The following ZNRF3 variants were observed in gnomAD, a reference collection of about 807,000 sequenced individuals.
ZNRF3 encodes zinc and ring finger 3, also known as E3 ubiquitin-protein ligase ZNRF3.
ZNRF3 carries 23 observed loss-of-function variants against 72.5 expected under a neutral mutation model. That is an observed-to-expected ratio of 0.32 (90% CI 0.23 to 0.45). ZNRF3 has a LOEUF of 0.45. Ranked by LOEUF, ZNRF3 falls within the 20% of genes least tolerant of loss-of-function variation. The pLI is 1.00. For missense variants in ZNRF3, 1,169 were observed against 1,272.1 expected, an observed-to-expected ratio of 0.92 and a Z score of 1.23; for synonymous variants, 610 against 545.3, an observed-to-expected ratio of 1.12 and a Z score of -1.65.
rs2033714173 is a variant in ZNRF3 at position 28,883,869 on chromosome 22, C to G, written c.103C>G (p.Pro35Ala). Residue 35 changes from proline to alanine, a missense_variant, in exon 1 of 9, where the codon CCG (proline) becomes GCG (alanine). Coordinates refer to ENST00000544604, the MANE Select transcript of ZNRF3 (RefSeq NM_001206998.2). This position sits in a 1 kb window ranked among gnomAD's most constrained non-coding sequence, Gnocchi z 5.5. Reference sequence around the variant, plus strand: ...CCGGTGCAGCCGCCTGCCGCCGCCGCCGCCGCTGCCGCTGCTGCTCGGGCT... The same window carrying G: ...CCGGTGCAGCCGCCTGCCGCCGCCGGCGCCGCTGCCGCTGCTGCTCGGGCT... ...GLRCSRLPPP[P>A]PLPLLLGLLL... 9.9e-7 allele frequency: 1 copy of G among 1,008,798 alleles called. No homozygotes were observed. The highest frequency in any genetic ancestry group is 4.4e-5 in the South Asian group (1 of 22,510). 62.5% of individuals were successfully genotyped at this position (1,008,798 alleles called of 1,614,324 possible). A position where few individuals can be genotyped will look rare whatever the true frequency, so the allele number is the denominator to read the frequency against.
chr22:28,963,994 TG>T (rs1414818439), intron 1 of ZNRF3, among the ~76,000 whole-genome samples: 13 of 152,310 alleles, frequency 8.5e-5, no homozygotes, highest in Non-Finnish European at 1.9e-4. Context: ...TTCTGTGTTT[TG>T]TGTTACTACT....
rs754178555 is a variant in ZNRF3, at chr22:29,049,268, A to G, written c.1087A>G (p.Thr363Ala). The change falls in exon 8 of 9, where the codon ACC (threonine) becomes GCC (alanine). Residue 363 changes from threonine (T) to alanine (A), a missense_variant. Physicochemically the swap from Thr to Ala is moderately conservative, Grantham distance 58. Around this residue, in one of 2 missense-constraint regions of ZNRF3, gnomAD observed 386 missense variants for 540.7 expected, o/e 0.71. Coordinates refer to ENST00000544604, the MANE Select transcript of ZNRF3 (RefSeq NM_001206998.2). This position sits in a 1 kb window ranked among gnomAD's most constrained non-coding sequence, Gnocchi z 5.2. ...CTCACGTGGTCGGCAGCAGAGGGTG[A>G]CCCTGCCGGTGCATTACCCCGGCCG... ...NLSRGRQQRV[T>A]LPVHYPGRVH... 6.2e-7 allele frequency: 1 copy of G among 1,613,656 alleles called. No homozygotes were observed. Among genetic ancestry groups the G allele is most frequent in the South Asian group, 1.1e-5 (1 of 91,054 alleles).
intron 1 of ZNRF3, among the ~76,000 whole-genome samples, chr22:28,968,462 C>A (rs1480601924): frequency 6.6e-6 from 1 of 152,152 alleles, no homozygotes; most frequent in African/African-American, 2.4e-5. Context: ...GTAATCCCAG[C>A]ACTTTGGGAG....
At chr22:28,953,913 T>C (rs1819763382) in intron 1 of ZNRF3, among the ~76,000 whole-genome samples, 1 of 152,200 alleles carries the variant, frequency 6.6e-6, no homozygotes, top group Admixed American at 6.5e-5. Context: ...CACTTATTTG[T>C]ATGTGACACT....
At chr22:28,984,406 G>T (rs555949860) in intron 1 of ZNRF3, among the ~76,000 whole-genome samples, 1 of 152,172 alleles carries the variant, frequency 6.6e-6, no homozygotes, top group South Asian at 2.1e-4. Context: ...TACAATATGC[G>T]GTGTTTTGTG....
intron 1 of ZNRF3, among the ~76,000 whole-genome samples, chr22:28,913,148 C>T (rs2034349466): frequency 6.6e-6 from 1 of 152,204 alleles, no homozygotes; most frequent in East Asian, 1.9e-4. Context: ...CTCAAGGCAT[C>T]GCCTGAAGAA....
intron 2 of ZNRF3, among the ~76,000 whole-genome samples, chr22:28,988,355 A>G (rs1032808790): frequency 6.6e-6 from 1 of 152,150 alleles, no homozygotes; most frequent in Non-Finnish European, 1.5e-5. Flanking sequence ...GCAGGGTGCT[A>G]GAGAGGGAAG....
intron 1 of ZNRF3, among the ~76,000 whole-genome samples, chr22:28,971,572 T>G (rs2035576278): frequency 6.6e-6 from 1 of 152,196 alleles, no homozygotes; most frequent in Non-Finnish European, 1.5e-5. Context: ...GTGTGTTTAT[T>G]AAGGACATCG....
intron 1 of ZNRF3, among the ~76,000 whole-genome samples, chr22:28,894,671 G>C (rs1344095493): frequency 6.6e-6 from 1 of 152,180 alleles, no homozygotes; most frequent in Non-Finnish European, 1.5e-5. Context: ...GCTGGATTCA[G>C]AAAGGCCGAA....
Position 28,905,754 on chromosome 22 carries a change from G to A in ZNRF3, c.300+21688G>A, listed in dbSNP as rs547870721. Among the ~76,000 whole-genome samples the A allele has an allele frequency of 5.9e-5, 9 of 152,114 alleles. No individual in the cohort carries two copies. In the South Asian group the frequency reaches 1.2e-3, roughly 21 times the overall value. On this transcript the variant is annotated intron_variant, in intron 1 of 8. Transcript: ENST00000544604. Reference sequence around the variant, plus strand: ...AGGTGGAAGCCTTTTAGTGCTGAAGGTCTCATAGGTGGTTGATGAAATGTG... The same window carrying A: ...AGGTGGAAGCCTTTTAGTGCTGAAGATCTCATAGGTGGTTGATGAAATGTG...
chr22:28,894,184 C>T (rs2033949627), intron 1 of ZNRF3, among the ~76,000 whole-genome samples: 1 of 150,856 alleles, frequency 6.6e-6, no homozygotes, highest in African/African-American at 2.4e-5. Context: ...TCTCAAACTC[C>T]AGGGCTCAAG....
At chr22:28,899,929 A>C (rs1305639440) in intron 1 of ZNRF3, among the ~76,000 whole-genome samples, 1 of 152,078 alleles carries the variant, frequency 6.6e-6, no homozygotes, top group Non-Finnish European at 1.5e-5. Flanking sequence ...GGGCTCAAGC[A>C]ATAGTTAGTT....
At position 29,030,840 on chromosome 22, in the gene ZNRF3, T is replaced by C. The variant is rs1315003054; in HGVS notation, c.427-11655T>C. Among the ~76,000 whole-genome samples, 2 of 152,096 alleles carry C rather than the reference T, an allele frequency of 1.3e-5. No individual in the cohort carries two copies. The highest frequency in any genetic ancestry group is 2.9e-5 in the Non-Finnish European group (2 of 67,996). ...GGAGGAGCCGCGGGAGGGGGGATGT[T>C]GGCCGCAGGGCCTCGGAGTTCTGAG... On this transcript the variant is annotated intron_variant, in intron 2 of 8. Transcript: ENST00000544604. The surrounding 1 kb of genome is among the most constrained non-coding windows in gnomAD (Gnocchi z 4.2).
chr22:28,985,319 C>T (rs2123826661), intron 1 of ZNRF3, among the ~76,000 whole-genome samples: 1 of 152,278 alleles, frequency 6.6e-6, no homozygotes, highest in African/African-American at 2.4e-5. Context: ...ACTCATCAGA[C>T]TGGATGCATC....
Position 28,883,805 on chromosome 22 carries a change from CCGCCGCCGCCGCCGCCTG to C in ZNRF3, c.50_67del (p.Arg17_Arg22del). On this transcript the variant is annotated inframe_deletion, in exon 1 of 9. Coordinates refer to ENST00000544604, the MANE Select transcript of ZNRF3 (RefSeq NM_001206998.2). The surrounding 1 kb of genome is among the most constrained non-coding windows in gnomAD (Gnocchi z 5.5). ...CGGGCGGGCGCCCAGGGGCCACGGG[CCGCCGCCGCCGCCGCCTG>C]CGCCGCCGCCCCCGCGGCCTCCGGT... 15 of 976,096 alleles carry C rather than the reference CCGCCGCCGCCGCCGCCTG, an allele frequency of 1.5e-5. No homozygotes were observed. Among genetic ancestry groups the C allele is most frequent in the Non-Finnish European group, 1.7e-5 (14 of 825,512 alleles). 60.5% of individuals were successfully genotyped at this position (976,096 alleles called of 1,614,324 possible).
intron 2 of ZNRF3, among the ~76,000 whole-genome samples, chr22:29,008,986 A>G (rs997161958): frequency 6.6e-6 from 1 of 152,162 alleles, no homozygotes; most frequent in Admixed American, 6.5e-5. Context: ...GAGCTATCCA[A>G]ACTCTTTTTT....
chr22:28,943,282 C>T (rs2123788820), intron 1 of ZNRF3, among the ~76,000 whole-genome samples: 1 of 152,146 alleles, frequency 6.6e-6, no homozygotes, highest in Non-Finnish European at 1.5e-5. Flanking sequence ...GGTTCTTCTG[C>T]AGCTGCTGGA....
intron 2 of ZNRF3, among the ~76,000 whole-genome samples, chr22:29,038,936 A>G (rs1313427522): frequency 6.6e-6 from 1 of 152,186 alleles, no homozygotes; most frequent in East Asian, 1.9e-4. Flanking sequence ...CAAGCTGTAA[A>G]TGGAATTTAA....
intron 1 of ZNRF3, among the ~76,000 whole-genome samples, chr22:28,887,229 AGAGAGAGTGT>A (rs58175207): frequency 0.1 from 14,107 of 138,880 alleles, 1,080 homozygotes; most frequent in East Asian, 0.27. Context: ...GAAGAGAGAG[AGAGAGAGTGT>A]GTGTGTGTGT....
Sources: allele counts gnomAD v4.1 joint callset (sites outside exome capture counted in the v4.1 genomes callset), GRCh38; gene constraint gnomAD v4.1.1; regional missense constraint gnomAD v4.1.1; non-coding constraint Gnocchi (gnomAD v3.1); transcripts MANE v1.5; gene names NCBI Gene and HGNC (gene_info 2026-07-23, HGNC 2026-07-21).